The following SEZ6 variants were observed in gnomAD, a reference collection of about 807,000 sequenced individuals.
SEZ6 encodes seizure related 6 homolog.
SEZ6 carries 53 observed loss-of-function variants against 101.0 expected under a neutral mutation model. The ratio of observed to expected loss-of-function variants is 0.52; its 90% CI spans 0.42 to 0.66. The LOEUF (loss-of-function observed/expected upper bound fraction) is 0.66. Ranked by LOEUF, SEZ6 falls within the 30% of genes least tolerant of loss-of-function variation. The probability of loss-of-function intolerance (pLI) is 0.00; values close to 1 mark genes in which losing one functional copy is unlikely to be tolerated. For missense variants in SEZ6, 1,102 were observed against 1,289.4 expected (o/e 0.85, Z 2.23); for synonymous variants, 488 against 512.2 (o/e 0.95, Z 0.64).
Position 28,959,359 on chromosome 17 carries a change from T to G in SEZ6, c.1885A>C (p.Lys629Gln), listed in dbSNP as rs1189073443. ...ACTCGGATGTCCAGCATGATGCGCT[T>G]GTCCTCTTCCACATGCACACCCCAG... Reference protein sequence around the residue: ...CIWGVHVEEDKRIMLDIRVLR... With the variant: ...CIWGVHVEEDQRIMLDIRVLR... Residue 629 changes from lysine to glutamine, a missense_variant, in exon 9 of 17, where the codon AAG (lysine) becomes CAG (glutamine). Coordinates refer to ENST00000317338, the MANE Select transcript of SEZ6 (RefSeq NM_178860.5). This position sits in a 1 kb window ranked among gnomAD's most constrained non-coding sequence, Gnocchi z 4.4. 6.2e-7 allele frequency: 1 copy of G among 1,613,770 alleles called. No homozygotes were observed. Among genetic ancestry groups the G allele is most frequent in the African/African-American group, 1.3e-5 (1 of 74,886 alleles).
intron 1 of SEZ6, among the ~76,000 whole-genome samples, chr17:28,984,268 C>G (rs2152690050): frequency 6.6e-6 from 1 of 152,258 alleles, no homozygotes; most frequent in South Asian, 2.1e-4. Flanking sequence ...TTTTTGCCCA[C>G]CCCCCAGACA....
At chr17:28,978,942 A>G (rs1440104812) in intron 3 of SEZ6, among the ~76,000 whole-genome samples, 1 of 152,050 alleles carries the variant, frequency 6.6e-6, no homozygotes, top group Non-Finnish European at 1.5e-5. Context: ...GACTGGGGGA[A>G]GAGGGACAGG....
chr17:28,957,436 A>T lies in SEZ6; in HGVS notation c.2406T>A (p.Gly802=). 1 of 1,613,584 alleles carries T rather than the reference A, an allele frequency of 6.2e-7. No individual in the cohort carries two copies. The highest frequency in any genetic ancestry group is 1.1e-5 in the South Asian group (1 of 91,048). The change falls in exon 12 of 17, where the codon GGT becomes GGA. Residue 802 remains glycine (G), a synonymous_variant. Coordinates refer to ENST00000317338, the MANE Select transcript of SEZ6 (RefSeq NM_178860.5). ...GATVQYICDQ[G]FVLMGSSILT... ...GGATGGAGCTGCCCATCAGCACAAA[A>T]CCCTGGTCACAGATATATTGCACGG...
At chr17:28,999,563 C>T (rs1034943119) in intron 1 of SEZ6, among the ~76,000 whole-genome samples, 1 of 152,096 alleles carries the variant, frequency 6.6e-6, no homozygotes, top group Non-Finnish European at 1.5e-5. Context: ...CTCCGGAGCC[C>T]GCAGAGAAAT....
In SEZ6 at chr17:28,981,934, C is replaced by T; in HGVS notation, c.161G>A (p.Gly54Asp). Residue 54 changes from glycine (G) to aspartate (D), a missense_variant, in exon 2 of 17, where the codon GGC becomes GAC. Coordinates refer to ENST00000317338, the MANE Select transcript of SEZ6 (RefSeq NM_178860.5). ...AAPTPEQPER[G>D]VHFVTTAPTL... ...GGGGGCTGTTGTGACAAAGTGGACG[C>T]CTCGTTCTGGCTGCTCAGGTGTGGG... 1 of 1,613,880 alleles carries T rather than the reference C, an allele frequency of 6.2e-7. No individual in the cohort carries two copies. Among genetic ancestry groups the T allele is most frequent in the Non-Finnish European group, 8.5e-7 (1 of 1,179,882 alleles).
At chr17:28,989,792 G>A (rs776982172) in intron 1 of SEZ6, among the ~76,000 whole-genome samples, 3 of 152,214 alleles carry the variant, frequency 2.0e-5, no homozygotes, top group Non-Finnish European at 4.4e-5. Flanking sequence ...AAGAGGCCAG[G>A]TGCGGTGGCT....
chr17:28,976,053 A>G (rs1224447426), intron 3 of SEZ6, among the ~76,000 whole-genome samples: 1 of 152,184 alleles, frequency 6.6e-6, no homozygotes, highest in East Asian at 1.9e-4. Flanking sequence ...ACCTCTCAAG[A>G]AAGAGCCTAG....
At chr17:28,992,399 GGT>G (rs139422004) in intron 1 of SEZ6, among the ~76,000 whole-genome samples, 11 of 151,416 alleles carry the variant, frequency 7.3e-5, no homozygotes, top group Non-Finnish European at 1.2e-4. Flanking sequence ...CATGAGACCG[GGT>G]GTGTGTGTGT....
At position 28,960,571 on chromosome 17, in the gene SEZ6, G is replaced by C; in HGVS notation, c.1510C>G (p.His504Asp). 1 of 1,593,916 alleles carries C rather than the reference G, an allele frequency of 6.3e-7. No individual in the cohort carries two copies. The highest frequency in any genetic ancestry group is 8.5e-7 in the Non-Finnish European group (1 of 1,170,592). ...PIEGLLSSGK[H>D]FFVELSTDSS... is the part of the protein sequence containing the mutation. ...TCAGTACTGAGCTCAACAAAGAAGT[G>C]TTTGCCAGAGCTGAGCAGGCCCTCA... The change falls in exon 7 of 17, where the codon CAC (histidine) becomes GAC (aspartate). Residue 504 changes from histidine to aspartate, a missense_variant. His to Asp is a moderately conservative substitution (Grantham distance 81). Transcript: ENST00000317338.
rs536176176 is a variant in SEZ6, at chr17:28,959,669, G to T, written c.1771+29C>A. The stretch of plus-strand genomic sequence containing the variant: ...CCTGGTATGACCCTGCCTTTTGCCC[G>T]GTAGGCCCATCCACTGGTGTCTACT... On this transcript the variant is annotated intron_variant, in intron 8 of 16. Coordinates refer to ENST00000317338, the MANE Select transcript of SEZ6 (RefSeq NM_178860.5). The surrounding 1 kb of genome is among the most constrained non-coding windows in gnomAD (Gnocchi z 4.4). 6.4e-7 allele frequency: 1 copy of T among 1,557,722 alleles called. No homozygotes were observed. Among genetic ancestry groups the T allele is most frequent in the Non-Finnish European group, 8.7e-7 (1 of 1,151,248 alleles).
rs968661341 is a variant in SEZ6 at position 29,005,213 on chromosome 17, G to T, written c.55+602C>A. Among the ~76,000 whole-genome samples the T allele has an allele frequency of 6.6e-6, 1 of 152,112 alleles. No individual in the cohort carries two copies. The highest frequency in any genetic ancestry group is 1.5e-5 in the Non-Finnish European group (1 of 68,010). On this transcript the variant is annotated intron_variant, in intron 1 of 16. Coordinates refer to ENST00000317338, the MANE Select transcript of SEZ6 (RefSeq NM_178860.5). The surrounding 1 kb of genome is among the most constrained non-coding windows in gnomAD (Gnocchi z 4.8). ...GCCAGGAGCCAGATAGGGGGTCCAG[G>T]CCCTTGGAGTTTCTCTCTAGAATTG...
intron 3 of SEZ6, among the ~76,000 whole-genome samples, chr17:28,973,839 C>T (rs938476111): frequency 6.6e-6 from 1 of 152,162 alleles, no homozygotes; most frequent in African/African-American, 2.4e-5. Flanking sequence ...ATACCCATAG[C>T]CAGTGACAGG....
chr17:28,957,715 A>G (rs765038812), intron 11 of SEZ6, 176 bp from the exon 12 acceptor site: 4 of 874,460 alleles, frequency 4.6e-6, no homozygotes, highest in Non-Finnish European at 6.9e-6. Flanking sequence ...CCCATCTATT[A>G]GGTTCGATAA....
At chr17:28,964,763 A>G (rs988290069) in intron 4 of SEZ6, among the ~76,000 whole-genome samples, 6 of 152,240 alleles carry the variant, frequency 3.9e-5, no homozygotes, top group Non-Finnish European at 8.8e-5. Flanking sequence ...ACTTCTTTTA[A>G]AACCAGAATG....
In SEZ6 at chr17:28,957,187, A is replaced by C; in HGVS notation, c.2550T>G (p.Ser850Arg). The change falls in exon 13 of 17, where the codon AGT (serine) becomes AGG (arginine). Residue 850 changes from serine (S) to arginine (R), a missense_variant. This residue lies in a region of SEZ6 where 556 missense variants were observed against 735.1 expected (regional missense o/e 0.76). Transcript: ENST00000317338. ...CTGCTGGGTGTAGCTGCTTCTCAGGACTTCGGGCACCATTCTCAGGGGCAC... is the reference window on the plus strand; with the variant it reads ...CTGCTGGGTGTAGCTGCTTCTCAGGCCTTCGGGCACCATTCTCAGGGGCAC... ...GLSAPENGAR[S>R]PEKQLHPAGA... 5 of 1,613,938 alleles carry C rather than the reference A, an allele frequency of 3.1e-6. No individual in the cohort carries two copies. Among genetic ancestry groups the C allele is most frequent in the Non-Finnish European group, 3.4e-6 (4 of 1,179,856 alleles).
chr17:29,000,627 T>C (rs148124066), intron 1 of SEZ6, among the ~76,000 whole-genome samples: 107 of 152,334 alleles, frequency 7.0e-4, no homozygotes, highest in Non-Finnish European at 1.3e-3. Context: ...AAAGGGCATG[T>C]AGGCTCAGAG....
intron 1 of SEZ6, among the ~76,000 whole-genome samples, chr17:29,004,993 C>T (rs948113932): frequency 6.6e-6 from 1 of 152,046 alleles, no homozygotes; most frequent in Admixed American, 6.5e-5. Context: ...ACAGGTCCTC[C>T]AGAGACAAAT....
chr17:28,989,751 C>T (rs7218927), intron 1 of SEZ6, among the ~76,000 whole-genome samples: 6,428 of 152,150 alleles, frequency 0.042, 477 homozygotes, highest in African/African-American at 0.15. Flanking sequence ...TAGCCCTTCC[C>T]AAAACTAAGC....
rs189379270 is a variant in SEZ6, at chr17:29,003,704, G to A, written c.55+2111C>T. On this transcript the variant is annotated intron_variant, in intron 1 of 16. Coordinates refer to ENST00000317338, the MANE Select transcript of SEZ6 (RefSeq NM_178860.5). ...ACCTCCAGTCCAGCCGAGGAGAGAG[G>A]AGCCTCTGGCTACCCAGCTCTGACA... is the stretch of plus-strand genomic sequence containing the variant. 3.9e-4 allele frequency among the ~76,000 whole-genome samples: 59 copies of A among 152,320 alleles called. No homozygotes were observed. The East Asian group carries it at 0.011, about 27-fold the overall frequency.
Sources: gnomAD v4.1 joint callset for allele counts (sites outside exome capture counted in the v4.1 genomes callset) on GRCh38, gnomAD v4.1.1 for gene constraint, gnomAD v4.1.1 regional missense constraint, Gnocchi (gnomAD v3.1) non-coding constraint, MANE v1.5 for transcripts, NCBI Gene and HGNC (gene_info 2026-07-23, HGNC 2026-07-21) for gene names.